The following BCO1 variants were observed in gnomAD, a reference collection of about 807,000 sequenced individuals.
BCO1 encodes beta,beta-carotene 15,15'-dioxygenase.
Under a neutral mutation model 56.3 loss-of-function variants are expected in BCO1, and 54 were observed. The ratio of observed to expected loss-of-function variants is 0.96; its 90% CI spans 0.77 to 1.20. The LOEUF (loss-of-function observed/expected upper bound fraction) is 1.20, where lower values mean the gene tolerates loss of function less well. Ranked by LOEUF, BCO1 falls within the 50% of genes most tolerant of loss-of-function variation. BCO1 has a pLI of 0.00. For missense variants in BCO1, 801 were observed against 690.9 expected, an observed-to-expected ratio of 1.16 and a Z score of -1.79; for synonymous variants, 318 against 266.1, an observed-to-expected ratio of 1.20 and a Z score of -1.90.
intron 10 of BCO1, among the ~76,000 whole-genome samples, chr16:81,288,555 G>A (rs1908306391): frequency 6.6e-6 from 1 of 152,214 alleles, no homozygotes; most frequent in Admixed American, 6.5e-5. Context: ...GTGAGCCAGT[G>A]CACCTGGCCT....
intron 7 of BCO1, among the ~76,000 whole-genome samples, chr16:81,276,734 A>C (rs1448687764): frequency 1.3e-5 from 2 of 152,216 alleles, no homozygotes; most frequent in Non-Finnish European, 2.9e-5. Context: ...TGGTGCAGCT[A>C]AGGAATTGAA....
At chr16:81,259,515 T>C (rs989370023) in intron 2 of BCO1, among the ~76,000 whole-genome samples, 161 bp from the exon 3 acceptor site, 2 of 151,992 alleles carry the variant, frequency 1.3e-5, no homozygotes, top group African/African-American at 4.8e-5. Context: ...TAAATAAAAT[T>C]ATATTTAAAA....
chr16:81,281,763 G>A (rs1159150909), intron 8 of BCO1, among the ~76,000 whole-genome samples: 1 of 152,182 alleles, frequency 6.6e-6, no homozygotes, highest in East Asian at 1.9e-4. Flanking sequence ...AGTGGGTGCT[G>A]TCCAGGGAAT....
In BCO1 at chr16:81,285,567, C is replaced by G; in HGVS notation, c.1235C>G (p.Ala412Gly). The G allele has an allele frequency of 6.2e-7, 1 of 1,613,696 alleles. No individual in the cohort carries two copies. Among genetic ancestry groups the G allele is most frequent in the East Asian group, 2.2e-5 (1 of 44,874 alleles). ...TTAGAGCTTCCACGGGTCAATTATGCTCACAATGGAAAGCAATACCGATAT... is the reference window on the plus strand; with the variant it reads ...TTAGAGCTTCCACGGGTCAATTATGGTCACAATGGAAAGCAATACCGATAT... ...EGLELPRVNY[A>G]HNGKQYRYVF... The change falls in exon 9 of 11, where the codon GCT (alanine) becomes GGT (glycine). Residue 412 changes from alanine (A) to glycine (G), a missense_variant. Coordinates refer to ENST00000258168, the MANE Select transcript of BCO1 (RefSeq NM_017429.3).
intron 5 of BCO1, among the ~76,000 whole-genome samples, chr16:81,267,383 C>T (rs944711688): frequency 9.2e-5 from 14 of 152,102 alleles, no homozygotes; most frequent in Admixed American, 1.3e-4. Flanking sequence ...GAGGCCGAGG[C>T]GGGCAGATCA....
chr16:81,289,873 C>T (rs1249181304), intron 10 of BCO1, among the ~76,000 whole-genome samples: 9 of 151,952 alleles, frequency 5.9e-5, no homozygotes, highest in Non-Finnish European at 1.3e-4. Flanking sequence ...TTTGTTTGTT[C>T]GTTTGTTTTG....
intron 2 of BCO1, among the ~76,000 whole-genome samples, chr16:81,249,941 G>C (rs1313357398): frequency 1.3e-5 from 2 of 152,192 alleles, no homozygotes; most frequent in Non-Finnish European, 2.9e-5. Flanking sequence ...GCCTGGCCCA[G>C]AGGGGCGCTT....
intron 2 of BCO1, among the ~76,000 whole-genome samples, chr16:81,252,186 C>A (rs1905848504): frequency 2.0e-5 from 3 of 151,940 alleles, no homozygotes; most frequent in Admixed American, 2.0e-4. Context: ...CACTACCCAG[C>A]CTGGGTGTTT....
intron 8 of BCO1, among the ~76,000 whole-genome samples, chr16:81,283,511 C>T (rs1157938990): frequency 2.6e-5 from 4 of 151,884 alleles, no homozygotes; most frequent in African/African-American, 7.3e-5. Context: ...GCAGGAGAAT[C>T]GCTGGTCTGA....
intron 2 of BCO1, among the ~76,000 whole-genome samples, chr16:81,255,171 A>G (rs1019705862): frequency 6.6e-6 from 1 of 152,200 alleles, no homozygotes; most frequent in South Asian, 2.1e-4. Context: ...CAAGCTGCAC[A>G]TCTCTGTAGG....
In BCO1 at chr16:81,259,054, C is replaced by G. The variant is rs186331725; in HGVS notation, c.194-622C>G. Among the ~76,000 whole-genome samples, 539 of 152,274 alleles carry G rather than the reference C, an allele frequency of 3.5e-3. 1 individual carries two copies. Among genetic ancestry groups the G allele is most frequent in the Non-Finnish European group, 4.8e-3 (326 of 68,026 alleles). ...CTAAGCCATTCATGAGGGACCCACCCCCATCACCCAGACACCTCCTCCTAG... is the reference window on the plus strand; with the variant it reads ...CTAAGCCATTCATGAGGGACCCACCGCCATCACCCAGACACCTCCTCCTAG... On this transcript the variant is annotated intron_variant, in intron 2 of 10. Coordinates refer to ENST00000258168, the MANE Select transcript of BCO1 (RefSeq NM_017429.3).
In BCO1 at chr16:81,290,551, G is replaced by C. The variant is rs376817384; in HGVS notation, c.1618G>C (p.Asp540His). 6 of 1,613,686 alleles carry C rather than the reference G, an allele frequency of 3.7e-6. No individual in the cohort carries two copies. In the African/African-American group the frequency reaches 6.7e-5, roughly 18 times the overall value. ...TGAGGAACAGCGGGACAGGGCTTCC[G>C]ACTGCCACGGGGCTCCTCTGACCTG... ...ASEEQRDRAS[D>H]CHGAPLT The change falls in exon 11 of 11, where the codon GAC (aspartate) becomes CAC (histidine). Residue 540 changes from aspartate to histidine, a missense_variant. Transcript: ENST00000258168.
chr16:81,254,788 G>T (rs956060426), intron 2 of BCO1, among the ~76,000 whole-genome samples: 3 of 151,976 alleles, frequency 2.0e-5, no homozygotes, highest in Non-Finnish European at 4.4e-5. Flanking sequence ...GCGTTCAGGG[G>T]GCTGCTCTGG....
chr16:81,266,485 GC>G (rs375521937), intron 5 of BCO1, among the ~76,000 whole-genome samples: 206 of 152,138 alleles, frequency 1.4e-3, no homozygotes, highest in African/African-American at 4.8e-3. Context: ...GTCTTGTAGA[GC>G]CCCCTGAGCA....
intron 2 of BCO1, among the ~76,000 whole-genome samples, chr16:81,248,333 G>C (rs1420419322): frequency 2.1e-5 from 3 of 144,314 alleles, no homozygotes; most frequent in African/African-American, 7.8e-5. Flanking sequence ...AACTCGGGAG[G>C]CAGCGGTTGC....
chr16:81,245,454 A>C, intron 1 of BCO1, 21 bp from the exon 2 acceptor site: 1 of 1,614,198 alleles, frequency 6.2e-7, no homozygotes, highest in Non-Finnish European at 8.5e-7. Context: ...ACGGGAAACT[A>C]AACATTCTCT....
intron 1 of BCO1, among the ~76,000 whole-genome samples, chr16:81,241,116 G>C (rs1267625129): frequency 6.6e-6 from 1 of 152,046 alleles, no homozygotes; most frequent in Non-Finnish European, 1.5e-5. Context: ...TTATAGGCGT[G>C]AACCACCATG....
chr16:81,240,751 G>C (rs1243436038), intron 1 of BCO1, among the ~76,000 whole-genome samples: 1 of 151,592 alleles, frequency 6.6e-6, no homozygotes, highest in South Asian at 2.1e-4. Context: ...TGGCCAACCT[G>C]GTATGGTGAA....
intron 7 of BCO1, among the ~76,000 whole-genome samples, chr16:81,273,410 G>T (rs1245029964): frequency 6.6e-6 from 1 of 152,158 alleles, no homozygotes; most frequent in African/African-American, 2.4e-5. Flanking sequence ...CGGTCCTACA[G>T]TGTCCAGGGA....
Sources: gnomAD v4.1 joint callset for allele counts (sites outside exome capture counted in the v4.1 genomes callset) on GRCh38, gnomAD v4.1.1 for gene constraint, MANE v1.5 for transcripts, NCBI Gene and HGNC (gene_info 2026-07-23, HGNC 2026-07-21) for gene names.